Variants in KIF27 observed in about 807,000 individuals in gnomAD.
The protein encoded by KIF27 is kinesin-like protein KIF27.
KIF27 carries 84 observed loss-of-function variants against 141.8 expected under a neutral mutation model. That is an observed-to-expected ratio of 0.59 (90% CI 0.50 to 0.71). KIF27 has a LOEUF of 0.71. Among genes scored for constraint, KIF27 ranks in the 30% least tolerant of loss-of-function variants. The pLI, the probability that KIF27 is intolerant of heterozygous loss-of-function variation, is 0.00. For missense variants in KIF27, 1,306 were observed against 1,628.4 expected (o/e 0.80, Z 3.41); for synonymous variants, 471 against 569.5 (o/e 0.83, Z 2.46).
At chr9:83,904,461 C>T (rs905556601) in intron 3 of KIF27, among the ~76,000 whole-genome samples, 5 of 152,014 alleles carry the variant, frequency 3.3e-5, no homozygotes, top group East Asian at 1.9e-4. Context: ...ACCTCTACCT[C>T]GGGTTCAAGT....
chr9:83,902,014 T>C (rs1953954783), intron 4 of KIF27, among the ~76,000 whole-genome samples: 1 of 152,222 alleles, frequency 6.6e-6, no homozygotes, highest in Non-Finnish European at 1.5e-5. Context: ...TCAACAGATA[T>C]AACCCACATA....
At chr9:83,886,994 TAAG>T (rs1952166736) in intron 9 of KIF27, 44 bp downstream of exon 9, 1 of 1,487,094 alleles carries the variant, frequency 6.7e-7, no homozygotes, top group African/African-American at 1.4e-5. Context: ...GAAGCAATTT[TAAG>T]AAGTTTTCTT....
intron 16 of KIF27, among the ~76,000 whole-genome samples, chr9:83,842,893 A>G (rs759161153): frequency 2.6e-5 from 4 of 152,316 alleles, no homozygotes; most frequent in African/African-American, 9.6e-5. Flanking sequence ...AAAATTTCCC[A>G]AAGTAGGATT....
intron 5 of KIF27, 118 bp from the exon 6 acceptor site, chr9:83,891,619 C>T: frequency 1.0e-6 from 1 of 957,008 alleles, no homozygotes; most frequent in Non-Finnish European, 1.5e-6. Context: ...ACAGTCAATT[C>T]TCATTTATCC....
intron 10 of KIF27, 107 bp downstream of exon 10, chr9:83,883,706 T>C (rs917848816): frequency 2.9e-6 from 2 of 692,928 alleles, no homozygotes; most frequent in Non-Finnish European, 4.8e-6. Context: ...ATACCCAGTT[T>C]CTCTTGCTGG....
At position 83,880,398 on chromosome 9, in the gene KIF27, T is replaced by C. The variant is rs777969757; in HGVS notation, c.2542A>G (p.Met848Val). ...TGTAGCTGTATCTTTTGATATTTCA[T>C]GTGATCTACACTCTGCTCTAGCTCA... ...ANELEQSVDH[M>V]KYQKIQLQRK... The change falls in exon 11 of 18, where the codon ATG becomes GTG. Residue 848 changes from methionine to valine, a missense_variant. Met to Val is a conservative substitution (Grantham distance 21). Coordinates refer to ENST00000297814, the MANE Select transcript of KIF27 (RefSeq NM_017576.4). 31 of 1,596,890 alleles carry C rather than the reference T, an allele frequency of 1.9e-5. 1 individual carries two copies. The highest frequency in any genetic ancestry group is 1.4e-4 in the Admixed American group (8 of 58,718).
intron 5 of KIF27, among the ~76,000 whole-genome samples, chr9:83,893,448 A>G (rs977872808): frequency 2.6e-4 from 39 of 152,098 alleles, no homozygotes; most frequent in African/African-American, 8.7e-4. Context: ...CTGAAATCAG[A>G]GATAGTATGT....
Position 83,850,171 on chromosome 9 carries a change from A to G in KIF27, c.3484T>C (p.Cys1162Arg), listed in dbSNP as rs749043182. ...ESALDHLKLQ[C>R]DRRLTLQQKE... ...TGCTGGAGGGTCAGTCTCCGGTCAC[A>G]CTGCAATTTTAGATGGTCCAGTGCA... The change falls in exon 16 of 18, where the codon TGT (cysteine) becomes CGT (arginine). Residue 1162 changes from cysteine to arginine, a missense_variant. Around this residue, in one of 4 missense-constraint regions of KIF27, gnomAD observed 596 missense variants for 751.6 expected, o/e 0.79. Coordinates refer to ENST00000297814, the MANE Select transcript of KIF27 (RefSeq NM_017576.4). 5 of 1,613,728 alleles carry G rather than the reference A, an allele frequency of 3.1e-6. No individual in the cohort carries two copies. The highest frequency in any genetic ancestry group is 2.2e-5 in the East Asian group (1 of 44,892).
intron 6 of KIF27, among the ~76,000 whole-genome samples, chr9:83,891,071 T>C (rs976195818): frequency 1.3e-5 from 2 of 152,202 alleles, no homozygotes; most frequent in Non-Finnish European, 1.5e-5. Context: ...TGAAGAAGTA[T>C]GGACATTATC....
At position 83,885,699 on chromosome 9, in the gene KIF27, A is replaced by G. The variant is rs149303256; in HGVS notation, c.2239+1342T>C. 5.9e-3 allele frequency among the ~76,000 whole-genome samples: 891 copies of G among 152,196 alleles called. 4 individuals carry two copies. The highest frequency in any genetic ancestry group is 0.02 in the African/African-American group (837 of 41,526). On this transcript the variant is annotated intron_variant, in intron 9 of 17. Transcript: ENST00000297814. ...TAGGCTGGAATGCAGTGGTGCAATC[A>G]TGACTCACTGCAGCCTTGACCTCTG...
intron 13 of KIF27, chr9:83,860,051 A>C (rs1949718756): frequency 6.6e-6 from 1 of 152,148 alleles, no homozygotes; most frequent in Non-Finnish European, 1.5e-5. Flanking sequence ...GGTGTGTTTA[A>C]ACATATGATT....
chr9:83,872,261 C>A (rs1950857807), intron 11 of KIF27, among the ~76,000 whole-genome samples: 6 of 152,120 alleles, frequency 3.9e-5, no homozygotes. Flanking sequence ...GTACGGTGAG[C>A]TGAGATCGCG....
rs775405539 is a variant in KIF27 at position 83,859,385 on chromosome 9, C to T, written c.2935-14G>A. Reference sequence around the variant, plus strand: ...TGTGTTTAAGGCCTAAAAGATACAACCCACCAGCCACCTCAAAAACAGTTA... The same window carrying T: ...TGTGTTTAAGGCCTAAAAGATACAATCCACCAGCCACCTCAAAAACAGTTA... On this transcript the variant is annotated splice_polypyrimidine_tract_variant and intron_variant, in intron 13 of 17. Transcript: ENST00000297814. 5.0e-6 allele frequency: 8 copies of T among 1,588,918 alleles called. No individual in the cohort carries two copies. The highest frequency in any genetic ancestry group is 4.0e-5 in the African/African-American group (3 of 74,158).
At chr9:83,852,452 C>CAAA (rs776901581) in intron 15 of KIF27, among the ~76,000 whole-genome samples, 1 of 103,900 alleles carries the variant, frequency 9.6e-6, no homozygotes, top group Admixed American at 1.1e-4. Context: ...GACTCTGTCT[C>CAAA]AAAAAAAAAA....
intron 11 of KIF27, among the ~76,000 whole-genome samples, chr9:83,878,604 T>G (rs1445124703): frequency 6.6e-6 from 1 of 152,154 alleles, no homozygotes; most frequent in Non-Finnish European, 1.5e-5. Context: ...CATGCTGCAA[T>G]GTAGACAAAC....
Position 83,891,538 on chromosome 9 carries a change from C to T in KIF27, c.1603-37G>A, listed in dbSNP as rs760116096. 50 of 1,522,246 alleles carry T rather than the reference C, an allele frequency of 3.3e-5. No individual in the cohort carries two copies. In the South Asian group the frequency reaches 5.7e-4, roughly 17 times the overall value. 94.3% of individuals were successfully genotyped at this position (1,522,246 alleles called of 1,614,324 possible). ...AGAGATGAAAATTTTTAATATAGAGCACTTCAGTACATTTAGATTATGATT... is the reference window on the plus strand; with the variant it reads ...AGAGATGAAAATTTTTAATATAGAGTACTTCAGTACATTTAGATTATGATT... On this transcript the variant is annotated intron_variant, in intron 5 of 17. Coordinates refer to ENST00000297814, the MANE Select transcript of KIF27 (RefSeq NM_017576.4).
chr9:83,852,515 G>A (rs1267946422), intron 15 of KIF27, among the ~76,000 whole-genome samples: 1 of 151,588 alleles, frequency 6.6e-6, no homozygotes, highest in African/African-American at 2.4e-5. Flanking sequence ...CTCCAAACAT[G>A]CAGCAATAGG....
intron 17 of KIF27, among the ~76,000 whole-genome samples, chr9:83,839,802 GGCCTGATGGTGGC>G (rs1946351036): frequency 6.6e-6 from 1 of 152,044 alleles, no homozygotes; most frequent in Admixed American, 6.6e-5. Context: ...AAATTAGCCG[GGCCTGATGGTGGC>G]GCCTGTAATC....
chr9:83,881,179 TTCTCA>T (rs1252099860), intron 10 of KIF27, among the ~76,000 whole-genome samples: 6 of 152,068 alleles, frequency 3.9e-5, no homozygotes, highest in Non-Finnish European at 8.8e-5. Context: ...CTTAAATTCC[TTCTCA>T]TCTAACTAAA....
Sources: allele counts gnomAD v4.1 joint callset (sites outside exome capture counted in the v4.1 genomes callset), GRCh38; gene constraint gnomAD v4.1.1; regional missense constraint gnomAD v4.1.1; transcripts MANE v1.5; gene names NCBI Gene and HGNC (gene_info 2026-07-23, HGNC 2026-07-21).